Variants in SAMMSON observed in about 807,000 individuals in gnomAD.
SAMMSON encodes the protein long intergenic non-protein coding RNA 1212.
At chr3:70,309,749 T>G (rs540200006) in intron 7 of SAMMSON, among the ~76,000 whole-genome samples, 6 of 152,230 alleles carry the variant, frequency 3.9e-5, no homozygotes, top group Non-Finnish European at 2.9e-5. Context: ...TGTTGTCATC[T>G]AGCATCTGGC....
At chr3:70,001,426 A>C (rs1015063988) in intron 1 of SAMMSON, among the ~76,000 whole-genome samples, 4 of 151,330 alleles carry the variant, frequency 2.6e-5, no homozygotes, top group African/African-American at 9.7e-5. Context: ...GCCTAATGGG[A>C]GATACAATGT....
intron 6 of SAMMSON, among the ~76,000 whole-genome samples, chr3:70,267,333 A>G (rs554402399): frequency 1.2e-3 from 181 of 150,802 alleles, no homozygotes; most frequent in Admixed American, 2.7e-3. Flanking sequence ...CAAGTTTTCC[A>G]TGAGACCTAC....
At chr3:70,369,428 G>A (rs1304504376) in intron 9 of SAMMSON, among the ~76,000 whole-genome samples, 1 of 151,474 alleles carries the variant, frequency 6.6e-6, no homozygotes, top group Non-Finnish European at 1.5e-5. Context: ...TGTTATTAAT[G>A]ATAATTCTTT....
chr3:70,385,502 C>T (rs569583261), intron 9 of SAMMSON, among the ~76,000 whole-genome samples: 113 of 152,034 alleles, frequency 7.4e-4, no homozygotes, highest in Admixed American at 1.0e-3. Flanking sequence ...ATTGAAATGT[C>T]GGGTTACATA....
intron 1 of SAMMSON, among the ~76,000 whole-genome samples, chr3:70,005,586 T>C (rs1185066856): frequency 1.3e-5 from 2 of 152,250 alleles, no homozygotes; most frequent in East Asian, 1.9e-4. Context: ...ACCCCCACCA[T>C]ATTCCACCAG....
chr3:70,123,718 C>A (rs568103864), intron 4 of SAMMSON, among the ~76,000 whole-genome samples: 2 of 152,330 alleles, frequency 1.3e-5, no homozygotes, highest in South Asian at 4.1e-4. Context: ...GGAACTGAGC[C>A]AGGGAGTAGA....
At chr3:70,151,089 A>G (rs955073193) in intron 4 of SAMMSON, among the ~76,000 whole-genome samples, 6 of 35,492 alleles carry the variant, frequency 1.7e-4, no homozygotes, top group South Asian at 7.8e-4. Context: ...ACTTTATTTC[A>G]ACAGAGAGAA....
chr3:70,255,728 A>G (rs1392434231), intron 6 of SAMMSON, among the ~76,000 whole-genome samples: 1 of 152,034 alleles, frequency 6.6e-6, no homozygotes, highest in African/African-American at 2.4e-5. Flanking sequence ...CAAGGGGAGG[A>G]TTACAGGTAT....
chr3:70,397,293 G>T (rs909036616), intron 2 of SAMMSON, among the ~76,000 whole-genome samples: 1 of 151,982 alleles, frequency 6.6e-6, no homozygotes, highest in Non-Finnish European at 1.5e-5. Context: ...TTCTTCATAG[G>T]TTCCTCAATC....
chr3:70,268,407 G>A (rs1249584134), intron 6 of SAMMSON, among the ~76,000 whole-genome samples: 1 of 150,292 alleles, frequency 6.7e-6, no homozygotes, highest in Admixed American at 6.7e-5. Context: ...CCCGGGAGGC[G>A]GAGGTGGCAG....
chr3:70,006,006 A>T (rs775008438), intron 1 of SAMMSON, among the ~76,000 whole-genome samples: 45 of 152,334 alleles, frequency 3.0e-4, no homozygotes, highest in Non-Finnish European at 5.7e-4. Flanking sequence ...GGTATTAGCC[A>T]ATAAAAGAAT....
intron 3 of SAMMSON, among the ~76,000 whole-genome samples, chr3:70,055,416 T>TAAA (rs534989429): frequency 1.3e-5 from 2 of 152,186 alleles, no homozygotes; most frequent in Non-Finnish European, 2.9e-5. Context: ...GTAGTATTTT[T>TAAA]AAAAGTTTAT....
intron 3 of SAMMSON, chr3:70,068,625 C>T (rs1479755094): frequency 6.6e-6 from 1 of 152,072 alleles, no homozygotes; most frequent in African/African-American, 2.4e-5. Flanking sequence ...ACACAGAGTG[C>T]TACATCTGTG....
intron 7 of SAMMSON, among the ~76,000 whole-genome samples, chr3:70,300,331 T>A (rs1702335283): frequency 6.6e-6 from 1 of 152,102 alleles, no homozygotes; most frequent in Admixed American, 6.6e-5. Context: ...TACCACCTTC[T>A]CTTACAACAT....
intron 4 of SAMMSON, among the ~76,000 whole-genome samples, chr3:70,073,416 G>A (rs1475166379): frequency 6.6e-6 from 1 of 152,024 alleles, no homozygotes; most frequent in Non-Finnish European, 1.5e-5. Context: ...TGGCCCTAGA[G>A]AAGTACAGCT....
At chr3:70,363,716 GA>G (rs1470722647) in intron 9 of SAMMSON, among the ~76,000 whole-genome samples, 2 of 151,840 alleles carry the variant, frequency 1.3e-5, no homozygotes, top group African/African-American at 4.8e-5. Context: ...CACTGTTTGA[GA>G]ATGTCCGTTT....
intron 7 of SAMMSON, among the ~76,000 whole-genome samples, chr3:70,333,428 CAT>C (rs1559565818): frequency 6.6e-6 from 1 of 151,838 alleles, no homozygotes; most frequent in South Asian, 2.1e-4. Context: ...ATGTATAAAA[CAT>C]ATACTTTTTA....
At chr3:70,344,924 T>C (rs1702739351) in intron 7 of SAMMSON, among the ~76,000 whole-genome samples, 1 of 152,194 alleles carries the variant, frequency 6.6e-6, no homozygotes, top group Non-Finnish European at 1.5e-5. Flanking sequence ...TATTAGTGAA[T>C]GATATAAAAA....
intron 3 of SAMMSON, chr3:70,069,680 C>T (rs2067223112): frequency 6.6e-6 from 1 of 152,122 alleles, no homozygotes; most frequent in South Asian, 2.1e-4. Flanking sequence ...CATGACCTCA[C>T]TCGGTCCTCA....
Sources: allele counts gnomAD v4.1 joint callset (sites outside exome capture counted in the v4.1 genomes callset), GRCh38; gene constraint gnomAD v4.1.1; transcripts MANE v1.5; gene names NCBI Gene and HGNC (gene_info 2026-07-23, HGNC 2026-07-21).